The following PRSS23 variants were observed in gnomAD, a reference collection of about 807,000 sequenced individuals.
The protein encoded by PRSS23 is protease, serine 23.
In PRSS23, 25 loss-of-function variants were observed where a neutral mutation model predicts 34.7. That is an observed-to-expected ratio of 0.72 (90% CI 0.53 to 1.01). PRSS23 has a LOEUF of 1.01. PRSS23 is among the 50% of genes least tolerant of loss of function. The probability of loss-of-function intolerance (pLI) is 0.00; values close to 1 mark genes in which losing one functional copy is unlikely to be tolerated. For missense variants in PRSS23, 445 were observed against 475.6 expected (o/e 0.94, Z 0.60); for synonymous variants, 176 against 186.6 (o/e 0.94, Z 0.46).
chr11:86,825,091 C>T (rs551966015), intron 2 of PRSS23, among the ~76,000 whole-genome samples: 1 of 151,962 alleles, frequency 6.6e-6, no homozygotes, highest in Non-Finnish European at 1.5e-5. Context: ...TTTACAGTCC[C>T]ACCAACAGTG....
Position 86,808,423 on chromosome 11 carries a change from T to C in PRSS23, c.780T>C (p.Phe260=). 1 of 1,614,196 alleles carries C rather than the reference T, an allele frequency of 6.2e-7. No homozygotes were observed. Among genetic ancestry groups the C allele is most frequent in the Non-Finnish European group, 8.5e-7 (1 of 1,180,042 alleles). Residue 260 remains phenylalanine (F), a synonymous_variant, in exon 2 of 2, where the codon TTT becomes TTC. Transcript: ENST00000280258. Reference sequence around the variant, plus strand: ...TCAAAAAGCCCCACAAGAGAAAATTTATGAAGATTGGGGTGAGCCCTCCTG... The same window carrying C: ...TCAAAAAGCCCCACAAGAGAAAATTCATGAAGATTGGGGTGAGCCCTCCTG... ...LELKKPHKRK[F]MKIGVSPPAK...
chr11:86,952,625 A>T, exon 3 of PRSS23: 1 of 721,888 alleles, frequency 1.4e-6, no homozygotes, highest in Non-Finnish European at 2.3e-6. Context: ...TCTGACCTCA[A>T]ACAAGGGCGC....
chr11:86,855,080 A>C (rs1948559271), intron 2 of PRSS23, among the ~76,000 whole-genome samples: 1 of 151,880 alleles, frequency 6.6e-6, no homozygotes, highest in South Asian at 2.1e-4. Flanking sequence ...CAGGAGAATC[A>C]CTTGAAACCC....
At chr11:86,917,628 A>G (rs1949022094) in intron 2 of PRSS23, among the ~76,000 whole-genome samples, 1 of 152,194 alleles carries the variant, frequency 6.6e-6, no homozygotes, top group Non-Finnish European at 1.5e-5. Context: ...TTTAATTCTA[A>G]TGCTTAAAAT....
intron 2 of PRSS23, among the ~76,000 whole-genome samples, chr11:86,890,381 C>G (rs761331687): frequency 3.3e-5 from 5 of 152,146 alleles, no homozygotes; most frequent in Non-Finnish European, 7.3e-5. Context: ...CATCTTTATG[C>G]CAGAACAAAA....
At chr11:86,856,067 T>C (rs1334248088) in intron 2 of PRSS23, among the ~76,000 whole-genome samples, 12 of 152,206 alleles carry the variant, frequency 7.9e-5, no homozygotes, top group Admixed American at 7.9e-4. Flanking sequence ...TTTATTCTTT[T>C]CTATTTCCCA....
chr11:86,798,257 G>A (rs1947994452), upstream of PRSS23, among the ~76,000 whole-genome samples: 1 of 152,152 alleles, frequency 6.6e-6, no homozygotes, highest in South Asian at 2.1e-4. Flanking sequence ...CTGGATCATT[G>A]GGATGACCAT....
At chr11:86,944,219 C>G (rs2135029713) in intron 2 of PRSS23, among the ~76,000 whole-genome samples, 1 of 151,856 alleles carries the variant, frequency 6.6e-6, no homozygotes, top group Middle Eastern at 3.4e-3. Context: ...TGTCGGCCTT[C>G]CCATGGCATT....
In PRSS23 at chr11:86,830,769, G is replaced by T. The variant is rs184368834; in HGVS notation, c.206+7176G>T. 1.1e-3 allele frequency among the ~76,000 whole-genome samples: 170 copies of T among 152,124 alleles called. 1 individual carries two copies. Among genetic ancestry groups the T allele is most frequent in the African/African-American group, 3.8e-3 (156 of 41,504 alleles). ...AGGTGTACACCCTTTAACATTATTT[G>T]TAATATCCTAGGAAGATATTACTCC... On this transcript the variant is annotated intron_variant, in intron 2 of 2. Coordinates refer to the PRSS23 transcript ENST00000533902.
At chr11:86,917,325 T>C (rs1949019919) in intron 2 of PRSS23, among the ~76,000 whole-genome samples, 1 of 152,176 alleles carries the variant, frequency 6.6e-6, no homozygotes, top group South Asian at 2.1e-4. Flanking sequence ...TCTCAATCAA[T>C]CAATGAATTT....
chr11:86,849,918 C>T (rs189015427), intron 2 of PRSS23, among the ~76,000 whole-genome samples: 1 of 152,132 alleles, frequency 6.6e-6, no homozygotes, highest in Admixed American at 6.5e-5. Flanking sequence ...GACATAGTAA[C>T]AGCTGAAAGA....
At chr11:86,904,785 T>C (rs188852394) in intron 2 of PRSS23, among the ~76,000 whole-genome samples, 14 of 152,116 alleles carry the variant, frequency 9.2e-5, no homozygotes, top group Admixed American at 9.2e-4. Context: ...TGGTGGCTCA[T>C]GCCTGTAATC....
At chr11:86,855,424 T>A (rs867213447) in intron 2 of PRSS23, among the ~76,000 whole-genome samples, 2 of 152,116 alleles carry the variant, frequency 1.3e-5, no homozygotes, top group Admixed American at 6.6e-5. Context: ...TCCACTTCTC[T>A]CCATTCCCTA....
At chr11:86,870,711 AT>A (rs1271074966) in intron 2 of PRSS23, among the ~76,000 whole-genome samples, 1 of 151,950 alleles carries the variant, frequency 6.6e-6, no homozygotes, top group African/African-American at 2.4e-5. Flanking sequence ...CTGTGCATCA[AT>A]TTTTTGTAGT....
At chr11:86,931,397 A>G (rs1209250692) in intron 2 of PRSS23, among the ~76,000 whole-genome samples, 5 of 152,220 alleles carry the variant, frequency 3.3e-5, no homozygotes, top group African/African-American at 4.8e-5. Flanking sequence ...CTACAATGGC[A>G]TACCACTCAG....
intron 2 of PRSS23, chr11:86,947,319 T>C (rs950145284): frequency 1.3e-5 from 2 of 155,214 alleles, no homozygotes; most frequent in African/African-American, 4.8e-5. Context: ...AGAAATCAAA[T>C]ACTGCACCGA....
rs368306011 is a variant in PRSS23, at chr11:86,840,525, C to A, written c.206+16932C>A. Among the ~76,000 whole-genome samples the A allele has an allele frequency of 2.6e-5, 4 of 152,298 alleles. No homozygotes were observed. The South Asian group carries it at 8.3e-4, about 32-fold the overall frequency. ...ACAATAATAATGGGAGGCTTTAACA[C>A]CCCACTTCAGTATTAGACAGATCAA... On this transcript the variant is annotated intron_variant, in intron 2 of 2. Transcript: ENST00000533902.
chr11:86,807,017 C>T (rs1336667834), intron 1 of PRSS23, among the ~76,000 whole-genome samples: 1 of 152,050 alleles, frequency 6.6e-6, no homozygotes, highest in Non-Finnish European at 1.5e-5. Flanking sequence ...AAGCAAAAAA[C>T]AAAACAAAAC....
rs768939073 is a variant in PRSS23, at chr11:86,952,241, T to C, written c.*956T>C. 11 of 1,614,094 alleles carry C rather than the reference T, an allele frequency of 6.8e-6. No individual in the cohort carries two copies. The South Asian group carries it at 1.2e-4, about 18-fold the overall frequency. ...CTCTTCCCCAGGCTGGATGGGGGTT[T>C]TGTGAGGTAAGGGCACCTCTTCATC... On this transcript the variant is annotated 3_prime_UTR_variant, in exon 3 of 3. Transcript: ENST00000533902.
Sources: allele counts gnomAD v4.1 joint callset (sites outside exome capture counted in the v4.1 genomes callset), GRCh38; gene constraint gnomAD v4.1.1; transcripts MANE v1.5; gene names NCBI Gene and HGNC (gene_info 2026-07-23, HGNC 2026-07-21).